Variants in MACROD2 observed in about 807,000 individuals in gnomAD.
MACROD2 encodes mono-ADP ribosylhydrolase 2, also known as ADP-ribose glycohydrolase MACROD2.
Under a neutral mutation model 70.4 loss-of-function variants are expected in MACROD2, and 36 were observed. The observed-to-expected ratio is 0.51, with a 90% CI of 0.39 to 0.68. The LOEUF (loss-of-function observed/expected upper bound fraction) is 0.68, where lower values mean the gene tolerates loss of function less well. MACROD2 is among the 30% of genes least tolerant of loss of function. MACROD2 has a pLI of 0.00. For synonymous variants in MACROD2, 172 were observed against 178.8 expected, an observed-to-expected ratio of 0.96 and a Z score of 0.30; for missense variants, 496 against 538.4, an observed-to-expected ratio of 0.92 and a Z score of 0.78.
At chr20:15,542,409 T>G (rs978601434) in intron 8 of MACROD2, among the ~76,000 whole-genome samples, 2 of 152,212 alleles carry the variant, frequency 1.3e-5, no homozygotes, top group Non-Finnish European at 2.9e-5. Context: ...CTGAGGTTCC[T>G]GTGTACTTCA....
intron 3 of MACROD2, among the ~76,000 whole-genome samples, chr20:14,358,932 A>G (rs1469498569): frequency 6.6e-6 from 1 of 152,114 alleles, no homozygotes; most frequent in Non-Finnish European, 1.5e-5. Flanking sequence ...CATGCCTGTA[A>G]TCTCAGCACT....
intron 2 of MACROD2, among the ~76,000 whole-genome samples, chr20:14,032,073 A>C (rs2053252076): frequency 6.6e-6 from 1 of 151,982 alleles, no homozygotes; most frequent in South Asian, 2.1e-4. Flanking sequence ...GTTAGCTTTT[A>C]GTGTAAAAAT....
intron 5 of MACROD2, among the ~76,000 whole-genome samples, chr20:14,718,341 A>G (rs947129014): frequency 2.7e-5 from 4 of 150,454 alleles, no homozygotes; most frequent in Non-Finnish European, 5.9e-5. Context: ...ATGTGTATAT[A>G]TATTAATATG....
intron 5 of MACROD2, among the ~76,000 whole-genome samples, chr20:15,154,556 T>G (rs966686518): frequency 6.6e-6 from 1 of 152,218 alleles, no homozygotes; most frequent in Non-Finnish European, 1.5e-5. Context: ...TCCTCACAGT[T>G]CTGGAGTCTG....
At chr20:15,338,234 A>G (rs952391065) in intron 6 of MACROD2, among the ~76,000 whole-genome samples, 4 of 151,614 alleles carry the variant, frequency 2.6e-5, no homozygotes, top group Non-Finnish European at 5.9e-5. Flanking sequence ...ATCGTGACTT[A>G]TGAGACATTG....
intron 4 of MACROD2, among the ~76,000 whole-genome samples, chr20:14,657,702 C>G (rs931202309): frequency 9.2e-5 from 14 of 152,116 alleles, no homozygotes; most frequent in Non-Finnish European, 1.6e-4. Flanking sequence ...TGAAAAGCCT[C>G]TTTGAGAGGC....
At chr20:15,800,412 G>A (rs111893190) in intron 8 of MACROD2, among the ~76,000 whole-genome samples, 6 of 152,172 alleles carry the variant, frequency 3.9e-5, no homozygotes, top group African/African-American at 1.4e-4. Context: ...AGTTTTTATA[G>A]TTTCAGGTTT....
chr20:15,306,496 A>G (rs1356438618), intron 6 of MACROD2, among the ~76,000 whole-genome samples: 2 of 152,190 alleles, frequency 1.3e-5, no homozygotes, highest in Non-Finnish European at 2.9e-5. Flanking sequence ...ATTTGCCCAA[A>G]GTATCATAGG....
chr20:15,672,348 TACACACACACACACACAC>T (rs3071295), intron 8 of MACROD2, among the ~76,000 whole-genome samples: 2 of 141,862 alleles, frequency 1.4e-5, no homozygotes, highest in Admixed American at 7.2e-5. Flanking sequence ...TGTTCTATTT[TACACACACACACACACAC>T]ACACACACAC....
chr20:14,602,556 A>G (rs1415351289), intron 4 of MACROD2, among the ~76,000 whole-genome samples: 1 of 152,204 alleles, frequency 6.6e-6, no homozygotes, highest in African/African-American at 2.4e-5. Flanking sequence ...AGTTAGGTGA[A>G]TTAAATTGAT....
At chr20:14,634,857 A>G (rs781572277) in intron 4 of MACROD2, among the ~76,000 whole-genome samples, 7 of 152,224 alleles carry the variant, frequency 4.6e-5, no homozygotes, top group Non-Finnish European at 1.0e-4. Flanking sequence ...CCCTCAGGGC[A>G]TAATTCTTGC....
intron 8 of MACROD2, among the ~76,000 whole-genome samples, chr20:15,671,792 T>A (rs1172689948): frequency 6.6e-6 from 1 of 152,186 alleles, no homozygotes. Flanking sequence ...ACAAGTGAGG[T>A]TGAGTCTGTG....
chr20:15,269,537 G>C (rs747068754), intron 6 of MACROD2, among the ~76,000 whole-genome samples: 5 of 152,178 alleles, frequency 3.3e-5, no homozygotes, highest in Non-Finnish European at 4.4e-5. Context: ...GGGAATTCTT[G>C]AGTAAGATGA....
At chr20:15,470,832 C>G (rs2046954902) in intron 7 of MACROD2, among the ~76,000 whole-genome samples, 1 of 152,226 alleles carries the variant, frequency 6.6e-6, no homozygotes. Context: ...TTCTGCATCA[C>G]TGTGATTCTG....
chr20:14,581,718 C>T (rs1016710856), intron 4 of MACROD2, among the ~76,000 whole-genome samples: 6 of 152,252 alleles, frequency 3.9e-5, no homozygotes, highest in Middle Eastern at 3.4e-3. Context: ...TTCTCCCAGC[C>T]GACTCTTCCC....
intron 6 of MACROD2, among the ~76,000 whole-genome samples, chr20:15,358,812 T>C (rs74338286): frequency 1.2e-5 from 1 of 86,006 alleles, no homozygotes. Flanking sequence ...CTCTTGTTCC[T>C]TTTTTTTTTT....
intron 3 of MACROD2, among the ~76,000 whole-genome samples, chr20:14,391,613 C>A (rs1336638143): frequency 6.6e-6 from 1 of 151,588 alleles, no homozygotes; most frequent in Non-Finnish European, 1.5e-5. Flanking sequence ...GTATCCCTGA[C>A]TTAAAATAAA....
At chr20:14,211,709 T>C (rs2081572302) in intron 3 of MACROD2, among the ~76,000 whole-genome samples, 1 of 152,194 alleles carries the variant, frequency 6.6e-6, no homozygotes, top group African/African-American at 2.4e-5. Flanking sequence ...TTAATTCACC[T>C]AGTTCTCTTC....
chr20:13,995,968 C>G lies in MACROD2; in HGVS notation c.46+159C>G, dbSNP rs2052635538. Among the ~76,000 whole-genome samples, 1 of 152,138 alleles carries G rather than the reference C, an allele frequency of 6.6e-6. No individual in the cohort carries two copies. The highest frequency in any genetic ancestry group is 2.4e-5 in the African/African-American group (1 of 41,456). On this transcript the variant is annotated intron_variant, in intron 1 of 17. Transcript: ENST00000684519. The surrounding 1 kb of genome is among the most constrained non-coding windows in gnomAD (Gnocchi z 4.3). The stretch of plus-strand genomic sequence containing the variant: ...CGGTGTCCGTGTGTACACACGCGCA[C>G]ACTCGCGCGCACTCCGGCGTGCACG...
Sources: gnomAD v4.1 joint callset for allele counts (sites outside exome capture counted in the v4.1 genomes callset) on GRCh38, gnomAD v4.1.1 for gene constraint, Gnocchi (gnomAD v3.1) non-coding constraint, MANE v1.5 for transcripts, NCBI Gene and HGNC (gene_info 2026-07-23, HGNC 2026-07-21) for gene names.